The following PTBP3 variants were observed in gnomAD, a reference collection of about 807,000 sequenced individuals.
PTBP3 encodes the protein polypyrimidine tract-binding protein 3.
A neutral mutation model predicts 58.7 loss-of-function variants in PTBP3; 20 were observed. That is an observed-to-expected ratio of 0.34 (90% CI 0.24 to 0.50). The LOEUF is 0.50. Among genes scored for constraint, PTBP3 ranks in the 20% least tolerant of loss-of-function variants. PTBP3 has a pLI of 0.98. For synonymous variants in PTBP3, 185 were observed against 219.8 expected, an observed-to-expected ratio of 0.84 and a Z score of 1.40; for missense variants, 509 against 637.2, an observed-to-expected ratio of 0.80 and a Z score of 2.17.
chr9:112,323,581 A>G (rs1266015419), intron 1 of PTBP3, among the ~76,000 whole-genome samples: 2 of 152,232 alleles, frequency 1.3e-5, no homozygotes, highest in African/African-American at 4.8e-5. Flanking sequence ...AGAGACATGA[A>G]TGCTCTGTAA....
intron 5 of PTBP3, among the ~76,000 whole-genome samples, chr9:112,254,384 A>G (rs1342239082): frequency 6.6e-6 from 1 of 152,202 alleles, no homozygotes; most frequent in Admixed American, 6.5e-5. Context: ...TCTAAAGCAC[A>G]GGTAATGAAT....
intron 1 of PTBP3, among the ~76,000 whole-genome samples, chr9:112,332,523 A>C (rs549530086): frequency 2.8e-4 from 43 of 152,324 alleles, no homozygotes; most frequent in African/African-American, 9.6e-4. Context: ...TCAAATACAT[A>C]ATGGGAATAA....
the PTBP3 span, among the ~76,000 whole-genome samples, chr9:112,373,789 TGAA>T: frequency 6.6e-6 from 1 of 152,190 alleles, no homozygotes; most frequent in Non-Finnish European, 1.5e-5. Flanking sequence ...GGAAATAAAA[TGAA>T]GATATTTTCT....
Position 112,275,904 on chromosome 9 carries a change from T to C in PTBP3, c.144A>G (p.Ile48Met). 1.2e-6 allele frequency: 2 copies of C among 1,614,082 alleles called. No homozygotes were observed. The highest frequency in any genetic ancestry group is 1.7e-6 in the Non-Finnish European group (2 of 1,179,916). ...IPCDVTEAEI[I>M]SLGLPFGKVT... Reference sequence around the variant, plus strand: ...CTTTGCCAAATGGTAGACCTAATGATATGATCTCTGCTTCGGTGACATCAC... The same window carrying C: ...CTTTGCCAAATGGTAGACCTAATGACATGATCTCTGCTTCGGTGACATCAC... The change falls in exon 3 of 14, where the codon ATA becomes ATG. Residue 48 changes from isoleucine to methionine, a missense_variant. By Grantham distance (10) the Ile-to-Met change is conservative (BLOSUM62 1). Transcript: ENST00000374257.
the PTBP3 span, among the ~76,000 whole-genome samples, chr9:112,351,675 A>G: frequency 5.4e-4 from 83 of 152,328 alleles, no homozygotes; most frequent in South Asian, 3.3e-3. Flanking sequence ...ATTTAATTAT[A>G]TCAGTATGGA....
At chr9:112,284,225 C>T (rs115578294) in intron 2 of PTBP3, among the ~76,000 whole-genome samples, 3,195 of 152,214 alleles carry the variant, frequency 0.021, 124 homozygotes, top group African/African-American at 0.073. Flanking sequence ...TTGCACCATG[C>T]GCCTGGAAAA....
intron 1 of PTBP3, among the ~76,000 whole-genome samples, chr9:112,320,079 C>A (rs796642541): frequency 6.6e-6 from 1 of 151,596 alleles, no homozygotes; most frequent in African/African-American, 2.4e-5. Context: ...GAAATAAGTT[C>A]GAGAGATCAA....
Position 112,220,242 on chromosome 9 carries a change from G to A in PTBP3, c.*3609C>T, listed in dbSNP as rs1002195220. The A allele has an allele frequency of 3.7e-6, 5 of 1,346,406 alleles. No homozygotes were observed. The African/African-American group carries it at 7.4e-5, about 20-fold the overall frequency. 83.4% of individuals were successfully genotyped at this position (1,346,406 alleles called of 1,614,324 possible). A position where few individuals can be genotyped will look rare whatever the true frequency, so the allele number is the denominator to read the frequency against. On this transcript the variant is annotated 3_prime_UTR_variant, in exon 14 of 14. Coordinates refer to ENST00000374257, the MANE Select transcript of PTBP3 (RefSeq NM_001163788.4). ...GCATGACAATATGCTAAACATGTAA[G>A]CACTGCTGACTGATGGCACGGAGAC...
At chr9:112,344,810 T>C in the PTBP3 span, among the ~76,000 whole-genome samples, 62 of 152,316 alleles carry the variant, frequency 4.1e-4, no homozygotes, top group African/African-American at 1.5e-3. Flanking sequence ...TGCATTTCTA[T>C]ATACCACAAA....
the PTBP3 span, among the ~76,000 whole-genome samples, chr9:112,378,233 A>G: frequency 6.6e-6 from 1 of 152,220 alleles, no homozygotes; most frequent in South Asian, 2.1e-4. Flanking sequence ...ACTGAATACA[A>G]TGGATTTAAA....
Position 112,294,412 on chromosome 9 carries a change from A to G in PTBP3, c.34+3420T>C, listed in dbSNP as rs560282271. Among the ~76,000 whole-genome samples, 113 of 152,202 alleles carry G rather than the reference A, an allele frequency of 7.4e-4. 1 individual carries two copies. Among genetic ancestry groups the G allele is most frequent in the Middle Eastern group, 3.4e-3 (1 of 294 alleles). On this transcript the variant is annotated intron_variant, in intron 2 of 13. Coordinates refer to ENST00000374257, the MANE Select transcript of PTBP3 (RefSeq NM_001163788.4). Reference sequence around the variant, plus strand: ...ACATGCCTGTAGTCCCAGCTACTTGAGAGGCTGAGGTGAGAGGACTGCCTG... The same window carrying G: ...ACATGCCTGTAGTCCCAGCTACTTGGGAGGCTGAGGTGAGAGGACTGCCTG...
At chr9:112,228,258 G>A (rs542699155) in intron 11 of PTBP3, 122 bp downstream of exon 11, 8 of 606,988 alleles carry the variant, frequency 1.3e-5, no homozygotes, top group Admixed American at 3.5e-5. Context: ...AATAATGAAG[G>A]CATTATCACA....
chr9:112,262,373 C>G, intron 5 of PTBP3, 62 bp downstream of exon 5: 1 of 1,359,978 alleles, frequency 7.4e-7, no homozygotes, highest in Non-Finnish European at 9.9e-7. Flanking sequence ...AGATATAAAA[C>G]ATCAAAAGTT....
intron 7 of PTBP3, among the ~76,000 whole-genome samples, chr9:112,248,932 A>C (rs2132065220): frequency 6.6e-6 from 1 of 152,360 alleles, no homozygotes; most frequent in East Asian, 1.9e-4. Flanking sequence ...GACCGTACTG[A>C]GAATGAATGA....
chr9:112,377,740 CCTGA>C, the PTBP3 span, among the ~76,000 whole-genome samples: 1 of 152,132 alleles, frequency 6.6e-6, no homozygotes, highest in Admixed American at 6.5e-5. Context: ...GTGAGACTTA[CCTGA>C]CTTTCAAGAC....
the PTBP3 span, among the ~76,000 whole-genome samples, chr9:112,369,007 C>T: frequency 2.0e-5 from 3 of 152,218 alleles, no homozygotes; most frequent in Non-Finnish European, 2.9e-5. Context: ...ATGGCTTACA[C>T]GAGGTCTTGT....
At chr9:112,226,739 T>C (rs1835003666) in intron 12 of PTBP3, among the ~76,000 whole-genome samples, 1 of 152,260 alleles carries the variant, frequency 6.6e-6, no homozygotes, top group South Asian at 2.1e-4. Flanking sequence ...ACAGCTATAT[T>C]ACACGAAACT....
chr9:112,297,949 C>G, intron 1 of PTBP3, 33 bp from the exon 2 acceptor site: 1 of 1,536,226 alleles, frequency 6.5e-7, no homozygotes, highest in Non-Finnish European at 8.9e-7. Flanking sequence ...GGTTAATAAA[C>G]CAAGTTTTAG....
At chr9:112,265,925 C>A (rs1044585814) in intron 4 of PTBP3, among the ~76,000 whole-genome samples, 1 of 152,086 alleles carries the variant, frequency 6.6e-6, no homozygotes, top group African/African-American at 2.4e-5. Flanking sequence ...AACTACAACA[C>A]AGAAGTATTA....
Sources: allele counts gnomAD v4.1 joint callset (sites outside exome capture counted in the v4.1 genomes callset), GRCh38; gene constraint gnomAD v4.1.1; transcripts MANE v1.5; gene names NCBI Gene and HGNC (gene_info 2026-07-23, HGNC 2026-07-21).